Variants in AFTPH observed in about 807,000 individuals in gnomAD.
AFTPH encodes the protein aftiphilin protein.
A neutral mutation model predicts 72.5 loss-of-function variants in AFTPH; 7 were observed. The ratio of observed to expected loss-of-function variants is 0.10; its 90% CI spans 0.05 to 0.18. The LOEUF (loss-of-function observed/expected upper bound fraction) is 0.18. Among genes scored for constraint, AFTPH ranks in the 10% least tolerant of loss-of-function variants. The pLI, the probability that AFTPH is intolerant of heterozygous loss-of-function variation, is 1.00. For synonymous variants in AFTPH, 337 were observed against 370.1 expected (o/e 0.91, Z 1.03); for missense variants, 979 against 1,060.5 (o/e 0.92, Z 1.07).
At chr2:64,571,202 C>CTTTAATGTATA (rs1672406209) in intron 5 of AFTPH, among the ~76,000 whole-genome samples, 1 of 152,068 alleles carries the variant, frequency 6.6e-6, no homozygotes, top group East Asian at 1.9e-4. Flanking sequence ...GGTTCTCAAA[C>CTTTAATGTATA]TTTAATGTAT....
intron 6 of AFTPH, among the ~76,000 whole-genome samples, chr2:64,576,693 T>C (rs1281760764): frequency 6.6e-6 from 1 of 152,156 alleles, no homozygotes; most frequent in Admixed American, 6.6e-5. Flanking sequence ...GCCTGATGTA[T>C]TTTAGTTGTG....
chr2:64,591,547 TTC>T (rs1673826156), intron 8 of AFTPH, among the ~76,000 whole-genome samples: 1 of 152,252 alleles, frequency 6.6e-6, no homozygotes, highest in Non-Finnish European at 1.5e-5. Context: ...AGATTTATAT[TTC>T]TGTTTAGTAA....
rs140775210 is a variant in AFTPH, at chr2:64,528,842, G to A, written c.-33+4230G>A. ...TAATGACTTAGGCTTTTTACTGTGG[G>A]AGATGGTAAGTCATTGCAGGATTTT... On this transcript the variant is annotated intron_variant, in intron 1 of 8. Coordinates refer to ENST00000238856, the Ensembl canonical transcript of AFTPH. Among the ~76,000 whole-genome samples the A allele has an allele frequency of 1.4e-3, 211 of 152,280 alleles. 1 individual carries two copies. The highest frequency in any genetic ancestry group is 5.0e-3 in the African/African-American group (206 of 41,568).
chr2:64,544,226 G>T (rs1341933341), intron 1 of AFTPH, among the ~76,000 whole-genome samples: 1 of 152,108 alleles, frequency 6.6e-6, no homozygotes, highest in Non-Finnish European at 1.5e-5. Context: ...CAAAGTACAG[G>T]AAGCCCACCC....
At chr2:64,563,400 C>T (rs956355937) in intron 2 of AFTPH, among the ~76,000 whole-genome samples, 3 of 152,128 alleles carry the variant, frequency 2.0e-5, no homozygotes, top group Non-Finnish European at 1.5e-5. Flanking sequence ...CCCAAGTGCT[C>T]AAATTTTATG....
At chr2:64,565,919 T>C (rs1012121691) in intron 2 of AFTPH, among the ~76,000 whole-genome samples, 8 of 152,268 alleles carry the variant, frequency 5.3e-5, no homozygotes, top group Non-Finnish European at 7.3e-5. Context: ...CTGGCAGTTA[T>C]GTGTAACATT....
exon 9 of AFTPH, chr2:64,592,135 A>AAAG: frequency 1.7e-6 from 2 of 1,170,086 alleles, no homozygotes; most frequent in Non-Finnish European, 2.3e-6. Context: ...AAAAAAAAAA[A>AAAG]TTCAAGTTCA....
intron 2 of AFTPH, among the ~76,000 whole-genome samples, chr2:64,557,685 T>G (rs1245059983): frequency 6.6e-6 from 1 of 152,186 alleles, no homozygotes; most frequent in Admixed American, 6.5e-5. Context: ...CTTCACTTAT[T>G]TAGTCATCTA....
At chr2:64,543,816 C>G (rs1431062135) in intron 1 of AFTPH, among the ~76,000 whole-genome samples, 1 of 152,234 alleles carries the variant, frequency 6.6e-6, no homozygotes, top group African/African-American at 2.4e-5. Context: ...GCCCATCTTG[C>G]CTTTTGACCC....
At chr2:64,576,118 C>CACACGTGT (rs1553404165) in intron 6 of AFTPH, among the ~76,000 whole-genome samples, 2 of 137,036 alleles carry the variant, frequency 1.5e-5, no homozygotes, top group African/African-American at 5.4e-5. Flanking sequence ...CACACACACA[C>CACACGTGT]GTGTGTCATA....
chr2:64,531,845 T>G (rs901175900), intron 1 of AFTPH, among the ~76,000 whole-genome samples: 5 of 152,210 alleles, frequency 3.3e-5, no homozygotes, highest in Admixed American at 3.3e-4. Context: ...CATATATGGC[T>G]TAATTGTTGT....
intron 1 of AFTPH, among the ~76,000 whole-genome samples, chr2:64,543,634 T>A (rs1403132155): frequency 6.6e-6 from 1 of 152,242 alleles, no homozygotes. Flanking sequence ...AGTCTATCCT[T>A]TCCCCACCAC....
At chr2:64,549,139 G>A (rs189031421) in intron 1 of AFTPH, among the ~76,000 whole-genome samples, 3 of 152,172 alleles carry the variant, frequency 2.0e-5, no homozygotes, top group African/African-American at 7.2e-5. Context: ...TAAAACTGTG[G>A]AAGATCTTAG....
Position 64,581,127 on chromosome 2 carries a change from A to AC in AFTPH, c.2455+1585dup, listed in dbSNP as rs1438311900. ...TGTGTCTTACCCCTTTTTACACATAACCCCTCCTCCCTTGGCTTACCTTCT... is the reference window on the plus strand; with the variant it reads ...TGTGTCTTACCCCTTTTTACACATAACCCCCTCCTCCCTTGGCTTACCTTCT... On this transcript the variant is annotated intron_variant, in intron 7 of 8. Coordinates refer to ENST00000238856, the Ensembl canonical transcript of AFTPH. The AC allele has an allele frequency of 8.9e-5, 106 of 1,188,502 alleles. No individual in the cohort carries two copies. In the East Asian group the frequency reaches 2.3e-3, roughly 26 times the overall value. 73.6% of individuals were successfully genotyped at this position (1,188,502 alleles called of 1,614,324 possible).
chr2:64,585,692 T>A (rs368055317), intron 8 of AFTPH, 147 bp downstream of exon 9: 1 of 830,430 alleles, frequency 1.2e-6, no homozygotes, highest in African/African-American at 1.8e-5. Flanking sequence ...CCAGAAAATA[T>A]TATCAAATTA....
intron 7 of AFTPH, among the ~76,000 whole-genome samples, chr2:64,581,583 A>T (rs1673203324): frequency 6.6e-6 from 1 of 152,152 alleles, no homozygotes. Context: ...GATATTTTAT[A>T]TGCTTATTTT....
chr2:64,540,456 A>G (rs934173804), intron 1 of AFTPH, among the ~76,000 whole-genome samples: 4 of 152,194 alleles, frequency 2.6e-5, no homozygotes, highest in Non-Finnish European at 5.9e-5. Flanking sequence ...TTTAATTATT[A>G]CATGAAACTA....
exon 2 of AFTPH, chr2:64,551,494 G>C (rs1179899621): frequency 6.2e-7 from 1 of 1,613,536 alleles, no homozygotes; most frequent in East Asian, 2.2e-5. Flanking sequence ...GACATCATTC[G>C]AATGTACTCT....
At chr2:64,527,341 G>A (rs1034396946) in intron 1 of AFTPH, among the ~76,000 whole-genome samples, 5 of 152,310 alleles carry the variant, frequency 3.3e-5, no homozygotes, top group Middle Eastern at 3.4e-3. Context: ...AGCACTTTGG[G>A]AGACCGGGGT....
Sources: gnomAD v4.1 joint callset for allele counts (sites outside exome capture counted in the v4.1 genomes callset) on GRCh38, gnomAD v4.1.1 for gene constraint, MANE v1.5 for transcripts, NCBI Gene and HGNC (gene_info 2026-07-23, HGNC 2026-07-21) for gene names.